ARPC1A: variants seen among roughly 807,000 people sequenced by gnomAD.
ARPC1A encodes actin related protein 2/3 complex subunit 1A, also known as actin-related protein 2/3 complex subunit 1A.
Under a neutral mutation model 46.9 loss-of-function variants are expected in ARPC1A, and 8 were observed. The observed-to-expected ratio is 0.17, with a 90% CI of 0.10 to 0.31. ARPC1A has a LOEUF of 0.31. Ranked by LOEUF, ARPC1A falls within the 10% of genes least tolerant of loss-of-function variation. The pLI, the probability that ARPC1A is intolerant of heterozygous loss-of-function variation, is 1.00. For synonymous variants in ARPC1A, 152 were observed against 169.0 expected (o/e 0.90, Z 0.78); for missense variants, 286 against 483.6 (o/e 0.59, Z 3.83).
chr7:99,335,333 T>C (rs1433624624), intron 2 of ARPC1A: 3 of 397,072 alleles, frequency 7.6e-6, no homozygotes, highest in African/African-American at 2.2e-5. Context: ...TGTTGAAAAC[T>C]ATCCTCTCTG....
At chr7:99,343,488 G>A (rs534588109) in intron 3 of ARPC1A, among the ~76,000 whole-genome samples, 2 of 151,298 alleles carry the variant, frequency 1.3e-5, no homozygotes, top group African/African-American at 2.4e-5. Flanking sequence ...AGAAAGAAAA[G>A]AAAAGAAAAT....
intron 2 of ARPC1A, 38 bp downstream of exon 2, chr7:99,333,455 C>A: frequency 1.3e-6 from 2 of 1,568,762 alleles, no homozygotes; most frequent in Non-Finnish European, 1.8e-6. Flanking sequence ...TATTTTGGTA[C>A]CTTTGGTACA....
chr7:99,338,147 C>A (rs1229200789), intron 2 of ARPC1A, 34 bp from the exon 3 acceptor site: 1 of 1,490,860 alleles, frequency 6.7e-7, no homozygotes, highest in Non-Finnish European at 9.3e-7. Flanking sequence ...ATTGCAAGTT[C>A]AGGTGTTAAC....
chr7:99,360,880 G>T (rs766802098), intron 8 of ARPC1A, among the ~76,000 whole-genome samples: 16 of 147,998 alleles, frequency 1.1e-4, no homozygotes, highest in Non-Finnish European at 2.1e-4. Flanking sequence ...GGTGGAGGTT[G>T]CAGTGAGCCA....
intron 8 of ARPC1A, among the ~76,000 whole-genome samples, chr7:99,362,390 G>A (rs1229092863): frequency 7.2e-6 from 1 of 139,038 alleles, no homozygotes; most frequent in Non-Finnish European, 1.5e-5. Flanking sequence ...GGAGTGCAGT[G>A]GCACGATCTT....
chr7:99,359,669 A>G lies in ARPC1A; in HGVS notation c.914A>G (p.Asn305Ser), dbSNP rs776934695. ...ATGTCTGCCATGGAACGCTTCCGCAACATGGACAAGAGAGCCACAACTGAG... is the reference window on the plus strand; with the variant it reads ...ATGTCTGCCATGGAACGCTTCCGCAGCATGGACAAGAGAGCCACAACTGAG... ...RNMSAMERFR[N>S]MDKRATTEDR... Residue 305 changes from asparagine to serine, a missense_variant, in exon 8 of 10, where the codon AAC (asparagine) becomes AGC (serine). By Grantham distance (46) the Asn-to-Ser change is conservative. Around this residue, in one of 5 missense-constraint regions of ARPC1A, gnomAD observed 182 missense variants for 276.7 expected, o/e 0.66. Transcript: ENST00000262942. The G allele has an allele frequency of 1.8e-5, 29 of 1,614,076 alleles. No homozygotes were observed. Among genetic ancestry groups the G allele is most frequent in the South Asian group, 5.5e-5 (5 of 91,094 alleles).
At chr7:99,344,675 T>A in intron 4 of ARPC1A, among the ~76,000 whole-genome samples, 160 bp downstream of exon 4, 1 of 152,140 alleles carries the variant, frequency 6.6e-6, no homozygotes, top group East Asian at 1.9e-4. Context: ...CTCATGTGCA[T>A]GTTAAGTTAA....
At chr7:99,355,709 A>G (rs1260387892) in intron 6 of ARPC1A, among the ~76,000 whole-genome samples, 1 of 151,518 alleles carries the variant, frequency 6.6e-6, no homozygotes, top group Non-Finnish European at 1.5e-5. Context: ...ATGCCATTGC[A>G]CTCCAGCCTG....
intron 5 of ARPC1A, among the ~76,000 whole-genome samples, chr7:99,351,015 T>A (rs1288772953): frequency 6.6e-6 from 1 of 151,686 alleles, no homozygotes; most frequent in Non-Finnish European, 1.5e-5. Flanking sequence ...TATCCAGGAA[T>A]ACTCAAAGCT....
chr7:99,355,846 G>A (rs1320542763), intron 6 of ARPC1A, among the ~76,000 whole-genome samples: 1 of 152,134 alleles, frequency 6.6e-6, no homozygotes, highest in Admixed American at 6.6e-5. Flanking sequence ...CTTACTGGGG[G>A]AAGTCAGCGA....
intron 5 of ARPC1A, among the ~76,000 whole-genome samples, chr7:99,350,668 C>T (rs1346644266): frequency 2.1e-5 from 2 of 96,038 alleles, no homozygotes; most frequent in Non-Finnish European, 3.8e-5. Flanking sequence ...TTTTTTGAGA[C>T]AAGGTCTTGC....
intron 6 of ARPC1A, among the ~76,000 whole-genome samples, chr7:99,358,016 A>T (rs1216804586): frequency 6.6e-6 from 1 of 152,172 alleles, no homozygotes; most frequent in Non-Finnish European, 1.5e-5. Flanking sequence ...CTTTAGGCGG[A>T]AGTGGCCCGG....
chr7:99,365,589 G>C (rs1231816117), intron 9 of ARPC1A, among the ~76,000 whole-genome samples: 1 of 151,624 alleles, frequency 6.6e-6, no homozygotes, highest in African/African-American at 2.4e-5. Flanking sequence ...ACTCCAGCCT[G>C]GGGCAACAGA....
chr7:99,334,031 A>G (rs990060945), intron 2 of ARPC1A, among the ~76,000 whole-genome samples: 7 of 120,518 alleles, frequency 5.8e-5, no homozygotes, highest in Admixed American at 8.1e-5. Flanking sequence ...ACACACACAC[A>G]TATATATGTA....
At position 99,359,479 on chromosome 7, in the gene ARPC1A, A is replaced by C. The variant is rs1158460272; in HGVS notation, c.790-66A>C. The C allele has an allele frequency of 1.9e-6, 3 of 1,538,596 alleles. No homozygotes were observed. The African/African-American group carries it at 4.1e-5, about 21-fold the overall frequency. On this transcript the variant is annotated intron_variant, in intron 7 of 9. Coordinates refer to ENST00000262942, the MANE Select transcript of ARPC1A (RefSeq NM_006409.4). ...GAGTAAGAGAGGCCTGTCGTGGTGA[A>C]CACTCTGCCAAGGAGGTGGGCGGTG...
intron 2 of ARPC1A, among the ~76,000 whole-genome samples, chr7:99,334,384 T>C (rs1793203895): frequency 6.6e-6 from 1 of 151,676 alleles, no homozygotes; most frequent in South Asian, 2.1e-4. Context: ...ATAATAACAA[T>C]AATAATTAAA....
At chr7:99,340,666 G>C (rs1359971064) in intron 3 of ARPC1A, among the ~76,000 whole-genome samples, 1 of 152,126 alleles carries the variant, frequency 6.6e-6, no homozygotes, top group East Asian at 1.9e-4. Flanking sequence ...TATTCTTTTA[G>C]TTGGACTCTG....
intron 3 of ARPC1A, among the ~76,000 whole-genome samples, chr7:99,338,635 C>T (rs765946449): frequency 5.9e-5 from 9 of 151,972 alleles, no homozygotes; most frequent in East Asian, 3.9e-4. Flanking sequence ...CCTCCTGCCT[C>T]GGCCTCCCAA....
At chr7:99,346,996 T>C (rs966973579) in intron 4 of ARPC1A, among the ~76,000 whole-genome samples, 1 of 152,112 alleles carries the variant, frequency 6.6e-6, no homozygotes, top group African/African-American at 2.4e-5. Flanking sequence ...ATGTATACAT[T>C]ATGAAACAAT....
Sources: allele counts gnomAD v4.1 joint callset (sites outside exome capture counted in the v4.1 genomes callset), GRCh38; gene constraint gnomAD v4.1.1; regional missense constraint gnomAD v4.1.1; transcripts MANE v1.5; gene names NCBI Gene and HGNC (gene_info 2026-07-23, HGNC 2026-07-21).